FMNL2: variants seen among roughly 807,000 people sequenced by gnomAD.
FMNL2 encodes the protein formin like 2.
A neutral mutation model predicts 130.2 loss-of-function variants in FMNL2; 51 were observed. The observed-to-expected ratio is 0.39, with a 90% confidence interval of 0.31 to 0.49. The LOEUF (loss-of-function observed/expected upper bound fraction) is 0.49, where lower values mean the gene tolerates loss of function less well. Ranked by LOEUF, FMNL2 falls within the 20% of genes least tolerant of loss-of-function variation. The probability of loss-of-function intolerance (pLI) is 0.85; values close to 1 mark genes in which losing one functional copy is unlikely to be tolerated. For synonymous variants in FMNL2, 465 were observed against 467.1 expected, an observed-to-expected ratio of 1.00 and a Z score of 0.06; for missense variants, 977 against 1,316.2, an observed-to-expected ratio of 0.74 and a Z score of 3.99.
At chr2:152,527,790 C>T (rs1693470304) in intron 2 of FMNL2, among the ~76,000 whole-genome samples, 1 of 152,108 alleles carries the variant, frequency 6.6e-6, no homozygotes, top group African/African-American at 2.4e-5. Context: ...TTTCACATGA[C>T]CCTCTTAATC....
intron 2 of FMNL2, among the ~76,000 whole-genome samples, chr2:152,523,832 T>G (rs1366791398): frequency 6.6e-6 from 1 of 152,212 alleles, no homozygotes; most frequent in Admixed American, 6.5e-5. Flanking sequence ...AGTAAGTTCC[T>G]TTAGGATATG....
At chr2:152,621,286 A>G (rs1699232305) in intron 15 of FMNL2, among the ~76,000 whole-genome samples, 1 of 152,206 alleles carries the variant, frequency 6.6e-6, no homozygotes, top group African/African-American at 2.4e-5. Context: ...GAGCACTAAC[A>G]TAGACCTCAG....
intron 1 of FMNL2, among the ~76,000 whole-genome samples, chr2:152,433,395 T>G (rs907921423): frequency 6.6e-6 from 1 of 152,214 alleles, no homozygotes; most frequent in Non-Finnish European, 1.5e-5. Context: ...ACCATGTGTT[T>G]GTAGAGCAGA....
intron 6 of FMNL2, among the ~76,000 whole-genome samples, chr2:152,565,044 G>C (rs996522778): frequency 1.3e-5 from 2 of 152,018 alleles, no homozygotes; most frequent in African/African-American, 4.8e-5. Flanking sequence ...GTTAAGATAG[G>C]TTTCTGTCAG....
chr2:152,417,587 G>C (rs1193719899), intron 1 of FMNL2, among the ~76,000 whole-genome samples: 2 of 152,160 alleles, frequency 1.3e-5, no homozygotes, highest in African/African-American at 4.8e-5. Flanking sequence ...TGAGGCTTAG[G>C]CTGAAAGGCT....
intron 15 of FMNL2, 138 bp downstream of exon 15, chr2:152,619,856 G>A: frequency 6.8e-7 from 1 of 1,460,504 alleles, no homozygotes; most frequent in Non-Finnish European, 9.1e-7. Context: ...TCCTGCTGAT[G>A]TAGCCGATAG....
chr2:152,528,906 G>A (rs967413625), intron 2 of FMNL2, among the ~76,000 whole-genome samples: 1 of 152,122 alleles, frequency 6.6e-6, no homozygotes, highest in Admixed American at 6.6e-5. Context: ...CCAGTCAAAG[G>A]GAGAAAGAAC....
intron 6 of FMNL2, among the ~76,000 whole-genome samples, chr2:152,564,772 G>A (rs1310857539): frequency 1.6e-4 from 3 of 18,584 alleles, no homozygotes; most frequent in Non-Finnish European, 3.8e-4. Flanking sequence ...AAAATACAAG[G>A]TTGGTTTTTT....
At chr2:152,393,153 G>A (rs956923269) in intron 1 of FMNL2, among the ~76,000 whole-genome samples, 1 of 152,134 alleles carries the variant, frequency 6.6e-6, no homozygotes, top group African/African-American at 2.4e-5. Flanking sequence ...TTGCCTCTAT[G>A]TAGTACATGT....
intron 1 of FMNL2, among the ~76,000 whole-genome samples, chr2:152,454,939 G>A (rs932652340): frequency 2.6e-5 from 4 of 152,168 alleles, no homozygotes; most frequent in African/African-American, 7.2e-5. Flanking sequence ...TCAGTGCTGC[G>A]TCAGGGTGGG....
chr2:152,439,266 T>G (rs1420163000), intron 1 of FMNL2, among the ~76,000 whole-genome samples: 1 of 152,164 alleles, frequency 6.6e-6, no homozygotes, highest in Non-Finnish European at 1.5e-5. Context: ...GTTAATAGTT[T>G]TGCATGTCTT....
At chr2:152,474,694 A>C (rs1224733480) in intron 1 of FMNL2, among the ~76,000 whole-genome samples, 2 of 152,066 alleles carry the variant, frequency 1.3e-5, no homozygotes, top group Admixed American at 6.6e-5. Context: ...TAAAAAAAAA[A>C]CAAAAAACAA....
At chr2:152,437,566 G>C (rs1323425346) in intron 1 of FMNL2, among the ~76,000 whole-genome samples, 3 of 152,174 alleles carry the variant, frequency 2.0e-5, no homozygotes, top group Admixed American at 6.5e-5. Flanking sequence ...GATTGATTTA[G>C]TGCTGCTTTT....
chr2:152,392,313 T>TC (rs998557696), intron 1 of FMNL2, among the ~76,000 whole-genome samples: 18 of 152,038 alleles, frequency 1.2e-4, no homozygotes, highest in Non-Finnish European at 1.9e-4. Context: ...GACTTTTCTC[T>TC]CCCCCCCACT....
At chr2:152,533,465 A>C (rs1693818344) in intron 2 of FMNL2, among the ~76,000 whole-genome samples, 1 of 146,800 alleles carries the variant, frequency 6.8e-6, no homozygotes, top group Non-Finnish European at 1.5e-5. Flanking sequence ...ATTCTGTTCT[A>C]CTCATCTATA....
Position 152,619,552 on chromosome 2 carries a change from G to GCCCCCCCC in FMNL2, c.1676_1677insCCCCCCCC (p.Pro562LeufsTer29). The GCCCCCCCC allele has an allele frequency of 2.1e-6, 3 of 1,417,708 alleles. No individual in the cohort carries two copies. Among genetic ancestry groups the GCCCCCCCC allele is most frequent in the South Asian group, 2.5e-5 (2 of 79,026 alleles). 87.8% of individuals were successfully genotyped at this position (1,417,708 alleles called of 1,614,324 possible). On this transcript the variant is annotated frameshift_variant, in exon 15 of 26. Coordinates refer to ENST00000288670, the MANE Select transcript of FMNL2 (RefSeq NM_052905.4). LOFTEE classifies it high-confidence loss of function. Reference sequence around the variant, plus strand: ...CACCACCTATGCCACCGCCGCCGCCGCCCCCTCCTCCACCTCCTCCTCCCC... The same window carrying GCCCCCCCC: ...CACCACCTATGCCACCGCCGCCGCCGCCCCCCCCCCCCCTCCTCCACCTCCTCCTCCCC...
chr2:152,563,920 G>T (rs115052640), intron 6 of FMNL2, among the ~76,000 whole-genome samples: 1 of 152,042 alleles, frequency 6.6e-6, no homozygotes, highest in South Asian at 2.1e-4. Context: ...GCTTCAAACC[G>T]GAAAATCTCA....
At chr2:152,628,592 T>G in intron 18 of FMNL2, 59 bp downstream of exon 18, 1 of 1,451,938 alleles carries the variant, frequency 6.9e-7, no homozygotes, top group Non-Finnish European at 9.6e-7. Flanking sequence ...TCGTTATTTT[T>G]TAAAGTCTCT....
intron 1 of FMNL2, among the ~76,000 whole-genome samples, chr2:152,348,100 C>T (rs1413995654): frequency 2.0e-5 from 3 of 152,084 alleles, no homozygotes; most frequent in African/African-American, 7.2e-5. Context: ...CCCACTTTTT[C>T]CGAGGGTCCT....
Sources: gnomAD v4.1 joint callset for allele counts (sites outside exome capture counted in the v4.1 genomes callset) on GRCh38, gnomAD v4.1.1 for gene constraint, MANE v1.5 for transcripts, NCBI Gene and HGNC (gene_info 2026-07-23, HGNC 2026-07-21) for gene names.